The following SLC9C1 variants were observed in gnomAD, a reference collection of about 807,000 sequenced individuals.
SLC9C1 encodes the protein sodium/hydrogen exchanger 10.
In SLC9C1, 97 loss-of-function variants were observed where a neutral mutation model predicts 140.9. The observed-to-expected ratio is 0.69, with a 90% CI of 0.58 to 0.82. The LOEUF is 0.82. Ranked by LOEUF, SLC9C1 falls within the 40% of genes least tolerant of loss-of-function variation. The pLI is 0.00. For missense variants in SLC9C1, 1,340 were observed against 1,389.3 expected, an observed-to-expected ratio of 0.96 and a Z score of 0.56; for synonymous variants, 440 against 442.6, an observed-to-expected ratio of 0.99 and a Z score of 0.07.
intron 23 of SLC9C1, among the ~76,000 whole-genome samples, chr3:112,179,295 G>GC (rs2077395519): frequency 1.3e-5 from 2 of 151,848 alleles, no homozygotes; most frequent in Admixed American, 1.3e-4. Flanking sequence ...AGCTTATATT[G>GC]CCAGTTTTTC....
chr3:112,171,931 A>G (rs1378165195), intron 23 of SLC9C1, among the ~76,000 whole-genome samples: 2 of 152,144 alleles, frequency 1.3e-5, no homozygotes, highest in Non-Finnish European at 2.9e-5. Context: ...GTGTGGATTT[A>G]TTTATGGATT....
chr3:112,194,329 G>A (rs991529343), intron 20 of SLC9C1, among the ~76,000 whole-genome samples: 1 of 152,124 alleles, frequency 6.6e-6, no homozygotes, highest in African/African-American at 2.4e-5. Context: ...GGGGAGATGG[G>A]GCTGCAGAAG....
At chr3:112,182,564 T>G (rs1576289631) in intron 20 of SLC9C1, among the ~76,000 whole-genome samples, 1 of 152,298 alleles carries the variant, frequency 6.6e-6, no homozygotes, top group African/African-American at 2.4e-5. Context: ...ACCTCTTAGG[T>G]AGTTTTCCCT....
At chr3:112,175,582 C>T (rs1396526838) in intron 23 of SLC9C1, among the ~76,000 whole-genome samples, 2 of 152,168 alleles carry the variant, frequency 1.3e-5, no homozygotes, top group African/African-American at 4.8e-5. Context: ...GGTGGTCCAC[C>T]CTCCCTCTGG....
At chr3:112,280,415 G>A (rs185513697) in intron 3 of SLC9C1, among the ~76,000 whole-genome samples, 42 of 107,536 alleles carry the variant, frequency 3.9e-4, no homozygotes, top group Admixed American at 3.9e-3. Flanking sequence ...AACATTCCTT[G>A]GCCACTAATA....
rs753060348 is a variant in SLC9C1, at chr3:112,182,228, C to G, written c.2554G>C (p.Asp852His). Reference protein sequence around the residue: ...LIMAKKKEVLDSQSIIRPLTV... With the variant: ...LIMAKKKEVLHSQSIIRPLTV... ...AGAGGCCTGATAATAGATTGAGAAT[C>G]AAGCACCTCTTTCTTTTTGGCCATG... The change falls in exon 21 of 29, where the codon GAT becomes CAT. Residue 852 changes from aspartate to histidine, a missense_variant. By Grantham distance (81) the Asp-to-His change is moderately conservative. Transcript: ENST00000305815. 1 of 1,604,982 alleles carries G rather than the reference C, an allele frequency of 6.2e-7. No homozygotes were observed. Among genetic ancestry groups the G allele is most frequent in the South Asian group, 1.1e-5 (1 of 88,630 alleles).
At chr3:112,222,740 G>A (rs751051225) in intron 13 of SLC9C1, among the ~76,000 whole-genome samples, 14 of 152,072 alleles carry the variant, frequency 9.2e-5, no homozygotes, top group African/African-American at 3.4e-4. Context: ...CATTAAAATT[G>A]GGAAGTGACT....
chr3:112,195,646 C>T (rs1006725165), intron 20 of SLC9C1, among the ~76,000 whole-genome samples: 1 of 151,438 alleles, frequency 6.6e-6, no homozygotes, highest in Non-Finnish European at 1.5e-5. Flanking sequence ...ATGTGTTTAC[C>T]ATGGGCATTA....
In SLC9C1 at chr3:112,240,004, G is replaced by A. The variant is rs2079097978; in HGVS notation, c.1282C>T (p.Leu428Phe). Residue 428 changes from leucine (L) to phenylalanine (F), a missense_variant and splice_region_variant, in exon 12 of 29, where the codon CTT becomes TTT. Coordinates refer to ENST00000305815, the MANE Select transcript of SLC9C1 (RefSeq NM_183061.3). ...ILPVAVTILG[L>F]RDATSTKYKS... ...TATTTTGTTGATGTGGCATCACGAA[G>A]ACCTTTGATACAAACACACATTTGA... 6.2e-7 allele frequency: 1 copy of A among 1,610,036 alleles called. No homozygotes were observed. The highest frequency in any genetic ancestry group is 2.2e-5 in the East Asian group (1 of 44,752).
chr3:112,188,653 G>C (rs182590694), intron 20 of SLC9C1, among the ~76,000 whole-genome samples: 3 of 152,274 alleles, frequency 2.0e-5, no homozygotes, highest in Admixed American at 2.0e-4. Context: ...CATTTGGGTT[G>C]GTTCCAAGTC....
At chr3:112,185,761 G>C in intron 20 of SLC9C1, 1 of 1,543,722 alleles carries the variant, frequency 6.5e-7, no homozygotes, top group Non-Finnish European at 8.7e-7. Context: ...CTGTCCTTCA[G>C]GGAGGGCGTC....
At chr3:112,192,529 T>A (rs1308113434) in intron 20 of SLC9C1, among the ~76,000 whole-genome samples, 1 of 152,220 alleles carries the variant, frequency 6.6e-6, no homozygotes, top group Non-Finnish European at 1.5e-5. Context: ...GTCTACCTTT[T>A]ATTGTTTCTA....
chr3:112,223,340 G>A (rs1284102687), intron 13 of SLC9C1, among the ~76,000 whole-genome samples: 1 of 152,074 alleles, frequency 6.6e-6, no homozygotes, highest in Non-Finnish European at 1.5e-5. Flanking sequence ...AGAGATTTCA[G>A]AACATTGAAC....
At chr3:112,238,272 G>A (rs1024027814) in intron 12 of SLC9C1, among the ~76,000 whole-genome samples, 11 of 152,014 alleles carry the variant, frequency 7.2e-5, no homozygotes, top group African/African-American at 9.7e-5. Context: ...TTGTGCATTC[G>A]TCACGTAGTT....
chr3:112,181,549 T>C (rs1183855845), intron 21 of SLC9C1, among the ~76,000 whole-genome samples: 2 of 152,172 alleles, frequency 1.3e-5, no homozygotes, highest in East Asian at 3.8e-4. Flanking sequence ...GGGCTGGGTA[T>C]TCAAAAGGTA....
intron 26 of SLC9C1, among the ~76,000 whole-genome samples, 162 bp downstream of exon 26, chr3:112,167,059 A>G (rs1171210654): frequency 3.9e-5 from 6 of 152,190 alleles, no homozygotes; most frequent in Admixed American, 3.9e-4. Context: ...ATGTAACTTC[A>G]ATATTGTCTG....
intron 12 of SLC9C1, among the ~76,000 whole-genome samples, chr3:112,232,705 C>T (rs10934141): frequency 0.59 from 89,717 of 151,616 alleles, 27,044 homozygotes; most frequent in East Asian, 0.79. Context: ...ATGTAGGACA[C>T]GGAAAAGTGC....
At chr3:112,249,127 A>G (rs781666683) in intron 10 of SLC9C1, among the ~76,000 whole-genome samples, 1 of 152,016 alleles carries the variant, frequency 6.6e-6, no homozygotes, top group Non-Finnish European at 1.5e-5. Context: ...TCTTCCTTCA[A>G]TGTCTAGATT....
intron 1 of SLC9C1, among the ~76,000 whole-genome samples, chr3:112,287,768 C>T (rs1387426721): frequency 6.6e-6 from 1 of 152,114 alleles, no homozygotes; most frequent in Non-Finnish European, 1.5e-5. Flanking sequence ...TAATTCCTGG[C>T]CGGGCACGGT....
Sources: allele counts gnomAD v4.1 joint callset (sites outside exome capture counted in the v4.1 genomes callset), GRCh38; gene constraint gnomAD v4.1.1; transcripts MANE v1.5; gene names NCBI Gene and HGNC (gene_info 2026-07-23, HGNC 2026-07-21).